Variants in PIGB observed in about 807,000 individuals in gnomAD.
PIGB encodes the protein GPI alpha-1,2-mannosyltransferase 3.
In PIGB, 58 loss-of-function variants were observed where a neutral mutation model predicts 68.4. The observed-to-expected ratio is 0.85, with a 90% confidence interval of 0.69 to 1.06. The LOEUF is 1.06. Among genes scored for constraint, PIGB ranks in the 50% least tolerant of loss-of-function variants. The probability of loss-of-function intolerance (pLI) is 0.00; values close to 1 mark genes in which losing one functional copy is unlikely to be tolerated. For missense variants in PIGB, 634 were observed against 655.8 expected, an observed-to-expected ratio of 0.97 and a Z score of 0.36; for synonymous variants, 219 against 220.5, an observed-to-expected ratio of 0.99 and a Z score of 0.06.
At chr15:55,350,280 T>C (rs1257820990) in intron 9 of PIGB, 1 of 171,244 alleles carries the variant, frequency 5.8e-6, no homozygotes, top group Non-Finnish European at 1.3e-5. Context: ...CAATTATTAG[T>C]GCTTGGGAGA....
chr15:55,346,210 T>C (rs887628533), intron 9 of PIGB: 1 of 152,256 alleles, frequency 6.6e-6, no homozygotes, highest in African/African-American at 2.4e-5. Flanking sequence ...TTAAGAGATA[T>C]GGCTTTATAA....
At chr15:55,321,896 C>T (rs1002709729) in intron 3 of PIGB, among the ~76,000 whole-genome samples, 6 of 144,180 alleles carry the variant, frequency 4.2e-5, no homozygotes, top group African/African-American at 1.5e-4. Context: ...AGGTGATCTG[C>T]CCGTGCGGTG....
In PIGB at chr15:55,321,318, C is replaced by T. The variant is rs768296754; in HGVS notation, c.345C>T (p.Tyr115=). 1.9e-6 allele frequency: 3 copies of T among 1,606,048 alleles called. No homozygotes were observed. Among genetic ancestry groups the T allele is most frequent in the Admixed American group, 1.7e-5 (1 of 59,590 alleles). Residue 115 remains tyrosine, a synonymous_variant, in exon 3 of 12, where the codon TAC becomes TAT. Coordinates refer to ENST00000164305, the MANE Select transcript of PIGB (RefSeq NM_004855.5). The stretch of plus-strand genomic sequence containing the variant: ...AATGGACAGAGAGACTGAGGAGTTA[C>T]ACTTATCCCTTAATCTTTGCAAGCA... The part of the protein sequence containing the change: ...TWEWTERLRS[Y]TYPLIFASIY...
At chr15:55,347,502 C>T (rs1324904832) in intron 9 of PIGB, among the ~76,000 whole-genome samples, 2 of 152,172 alleles carry the variant, frequency 1.3e-5, no homozygotes, top group Non-Finnish European at 2.9e-5. Flanking sequence ...TAAGTTGGAA[C>T]CTGAAATATT....
At chr15:55,331,593 A>T (rs1217319864) in intron 5 of PIGB, among the ~76,000 whole-genome samples, 3 of 152,022 alleles carry the variant, frequency 2.0e-5, no homozygotes, top group Non-Finnish European at 4.4e-5. Flanking sequence ...CATGCCTATA[A>T]TCCCAGCTAC....
At chr15:55,341,579 TA>T (rs2055671635) in intron 8 of PIGB, among the ~76,000 whole-genome samples, 158 bp from the exon 9 acceptor site, 1 of 152,052 alleles carries the variant, frequency 6.6e-6, no homozygotes, top group Non-Finnish European at 1.5e-5. Context: ...ACCTTATAAC[TA>T]AAAAATAAGA....
At chr15:55,322,114 CG>C (rs1214967260) in intron 3 of PIGB, among the ~76,000 whole-genome samples, 1 of 151,680 alleles carries the variant, frequency 6.6e-6, no homozygotes, top group Non-Finnish European at 1.5e-5. Context: ...GTGGAGGTTG[CG>C]GTGAGCCGAG....
intron 6 of PIGB, among the ~76,000 whole-genome samples, chr15:55,335,846 G>A (rs1306342861): frequency 6.6e-6 from 1 of 152,258 alleles, no homozygotes; most frequent in Middle Eastern, 3.4e-3. Flanking sequence ...GTAATAATGA[G>A]GTCAGAGAGA....
Position 55,327,508 on chromosome 15 carries a change from GTTC to G in PIGB, c.418-17_418-15del, listed in dbSNP as rs367904911. ...AACCAACAGATATTTTTAACATCCTGTTCTTCTTTTTAACTGATGAAGATTTGG... is the reference window on the plus strand; with the variant it reads ...AACCAACAGATATTTTTAACATCCTGTTCTTTTTAACTGATGAAGATTTGG... On this transcript the variant is annotated intron_variant, in intron 3 of 11. Coordinates refer to ENST00000164305, the MANE Select transcript of PIGB (RefSeq NM_004855.5). 9.4e-6 allele frequency: 14 copies of G among 1,481,974 alleles called. No individual in the cohort carries two copies. The African/African-American group carries it at 1.2e-4, about 13-fold the overall frequency. 91.8% of individuals were successfully genotyped at this position (1,481,974 alleles called of 1,614,324 possible).
At chr15:55,325,360 C>T (rs892872790) in intron 3 of PIGB, among the ~76,000 whole-genome samples, 1 of 151,984 alleles carries the variant, frequency 6.6e-6, no homozygotes, top group Non-Finnish European at 1.5e-5. Flanking sequence ...AATAAATAAA[C>T]TCACGTATAA....
At chr15:55,331,626 T>A (rs1459523866) in intron 5 of PIGB, among the ~76,000 whole-genome samples, 1 of 151,858 alleles carries the variant, frequency 6.6e-6, no homozygotes, top group Non-Finnish European at 1.5e-5. Context: ...GACAGGAGAA[T>A]CACTTGAACC....
At chr15:55,344,837 G>A (rs2055752351) in intron 9 of PIGB, among the ~76,000 whole-genome samples, 1 of 151,336 alleles carries the variant, frequency 6.6e-6, no homozygotes, top group Non-Finnish European at 1.5e-5. Context: ...TTACCACAGT[G>A]GCTAATATAG....
intron 10 of PIGB, among the ~76,000 whole-genome samples, chr15:55,352,636 A>G (rs904710609): frequency 2.0e-5 from 3 of 152,164 alleles, no homozygotes; most frequent in Admixed American, 2.0e-4. Flanking sequence ...AAATACAAAA[A>G]AAATTGGCCA....
intron 3 of PIGB, among the ~76,000 whole-genome samples, chr15:55,325,857 G>A (rs561815824): frequency 1.7e-4 from 25 of 150,692 alleles, no homozygotes; most frequent in Non-Finnish European, 3.0e-4. Flanking sequence ...CAGAGGTGGC[G>A]GTGAGCCAAG....
chr15:55,331,487 G>T (rs2055412819), intron 5 of PIGB, among the ~76,000 whole-genome samples: 1 of 152,106 alleles, frequency 6.6e-6, no homozygotes, highest in Non-Finnish European at 1.5e-5. Context: ...GCCGAGACGG[G>T]TGGATCACTT....
intron 5 of PIGB, among the ~76,000 whole-genome samples, chr15:55,333,066 T>C (rs895848242): frequency 3.3e-5 from 5 of 152,182 alleles, no homozygotes; most frequent in East Asian, 1.9e-4. Context: ...GACTTTCTTA[T>C]AGCTCCTTAG....
At chr15:55,346,041 T>A (rs1286913412) in intron 9 of PIGB, among the ~76,000 whole-genome samples, 2 of 152,192 alleles carry the variant, frequency 1.3e-5, no homozygotes, top group African/African-American at 4.8e-5. Flanking sequence ...CAGGATGGAA[T>A]CAGCAATGTA....
At chr15:55,320,468 C>T (rs2055138036) in intron 2 of PIGB, 58 bp downstream of exon 2, 2 of 1,546,726 alleles carry the variant, frequency 1.3e-6, no homozygotes, top group African/African-American at 1.4e-5. Context: ...GGAAATTGTG[C>T]TCAGTTTCTT....
chr15:55,322,831 AC>A (rs2055197451), intron 3 of PIGB, among the ~76,000 whole-genome samples: 1 of 152,222 alleles, frequency 6.6e-6, no homozygotes, highest in African/African-American at 2.4e-5. Flanking sequence ...TTCTTCTCTT[AC>A]AGTTATCTAC....
Sources: gnomAD v4.1 joint callset for allele counts (sites outside exome capture counted in the v4.1 genomes callset) on GRCh38, gnomAD v4.1.1 for gene constraint, MANE v1.5 for transcripts, NCBI Gene and HGNC (gene_info 2026-07-23, HGNC 2026-07-21) for gene names.